Variants in SGPL1 observed in about 807,000 individuals in gnomAD.
SGPL1 encodes SP-lyase 1.
In SGPL1, 37 loss-of-function variants were observed where a neutral mutation model predicts 68.9. The observed-to-expected ratio is 0.54, with a 90% CI of 0.41 to 0.71. The LOEUF (loss-of-function observed/expected upper bound fraction) is 0.71. Among genes scored for constraint, SGPL1 ranks in the 30% least tolerant of loss-of-function variants. SGPL1 has a pLI of 0.00. For missense variants in SGPL1, 551 were observed against 704.6 expected (o/e 0.78, Z 2.47); for synonymous variants, 236 against 248.5 (o/e 0.95, Z 0.47).
intron 14 of SGPL1, 49 bp downstream of exon 14, chr10:70,876,710 G>C (rs200007066): frequency 6.4e-7 from 1 of 1,558,110 alleles, no homozygotes; most frequent in Admixed American, 1.8e-5. Context: ...TTAGGTGTTG[G>C]TGGAGAGTTT....
chr10:70,827,236 G>A (rs1485776996), intron 2 of SGPL1, among the ~76,000 whole-genome samples: 1 of 152,188 alleles, frequency 6.6e-6, no homozygotes, highest in African/African-American at 2.4e-5. Context: ...AAATGTAATT[G>A]TAATTTCCGT....
intron 2 of SGPL1, among the ~76,000 whole-genome samples, chr10:70,830,297 C>A (rs116917977): frequency 1.3e-5 from 2 of 152,148 alleles, no homozygotes; most frequent in African/African-American, 2.4e-5. Context: ...CCAAAGAAAC[C>A]CAGTACTCAG....
In SGPL1 at chr10:70,875,653, C is replaced by T. The variant is rs1028521556; in HGVS notation, c.1445+105C>T. 1.8e-4 allele frequency: 147 copies of T among 799,290 alleles called. No individual in the cohort carries two copies. In the African/African-American group the frequency reaches 2.3e-3, roughly 12 times the overall value. 49.5% of individuals were successfully genotyped at this position (799,290 alleles called of 1,614,324 possible). ...AGAGTTTGACTGCTAGAGGCTAGCACGTTAGTAGCAACTGTAGTATATAAA... is the reference window on the plus strand; with the variant it reads ...AGAGTTTGACTGCTAGAGGCTAGCATGTTAGTAGCAACTGTAGTATATAAA... On this transcript the variant is annotated intron_variant, in intron 13 of 14. Transcript: ENST00000373202.
intron 2 of SGPL1, among the ~76,000 whole-genome samples, chr10:70,827,678 C>CT (rs534225258): frequency 4.6e-5 from 7 of 150,938 alleles, no homozygotes; most frequent in African/African-American, 1.2e-4. Flanking sequence ...AATCATAGGG[C>CT]TTTTTTTTTG....
intron 2 of SGPL1, among the ~76,000 whole-genome samples, chr10:70,830,397 T>C (rs1845512979): frequency 6.6e-6 from 1 of 152,222 alleles, no homozygotes; most frequent in Admixed American, 6.5e-5. Context: ...TTCATATAAA[T>C]ACAATCATAC....
intron 7 of SGPL1, among the ~76,000 whole-genome samples, chr10:70,859,811 A>C (rs988356966): frequency 1.3e-5 from 2 of 152,092 alleles, no homozygotes; most frequent in Non-Finnish European, 2.9e-5. Flanking sequence ...TTGAACCTAC[A>C]TTGAGTTGCT....
intron 2 of SGPL1, among the ~76,000 whole-genome samples, chr10:70,838,317 C>T (rs1353388908): frequency 3.3e-5 from 5 of 152,228 alleles, no homozygotes; most frequent in Admixed American, 1.3e-4. Flanking sequence ...TATTTGGTCA[C>T]GAGCAGTACC....
intron 10 of SGPL1, 127 bp from the exon 11 acceptor site, chr10:70,871,710 T>TA: frequency 1.2e-6 from 1 of 812,916 alleles, no homozygotes. Context: ...AGCCATTTTT[T>TA]AAAAACATGG....
At chr10:70,853,099 C>A (rs1845913299) in intron 4 of SGPL1, among the ~76,000 whole-genome samples, 1 of 152,144 alleles carries the variant, frequency 6.6e-6, no homozygotes, top group Non-Finnish European at 1.5e-5. Context: ...ATAGCCTGTT[C>A]TGTTGCATGA....
Position 70,859,418 on chromosome 10 carries a change from C to T in SGPL1, c.534C>T (p.Phe178=), listed in dbSNP as rs764876883. 1.7e-5 allele frequency: 26 copies of T among 1,562,266 alleles called. No homozygotes were observed. The South Asian group carries it at 3.0e-4, about 18-fold the overall frequency. Residue 178 remains phenylalanine (F), a synonymous_variant, in exon 7 of 15, where the codon TTC becomes TTT. Coordinates refer to ENST00000373202, the MANE Select transcript of SGPL1 (RefSeq NM_003901.4). ...GTAACCCCCTGCATCCAGATATCTT[C>T]CCAGGACTACGCAAGATAGAGGCAG... ...AWSNPLHPDI[F]PGLRKIEAEI... is the part of the protein sequence containing the mutation.
chr10:70,871,704 A>AT (rs1427903630), intron 10 of SGPL1, 133 bp from the exon 11 acceptor site: 6 of 774,232 alleles, frequency 7.7e-6, no homozygotes, highest in East Asian at 2.6e-5. Context: ...AAAAATAGCC[A>AT]TTTTTTAAAA....
At chr10:70,841,962 T>C (rs1191003167) in intron 2 of SGPL1, among the ~76,000 whole-genome samples, 4 of 152,124 alleles carry the variant, frequency 2.6e-5, no homozygotes, top group African/African-American at 9.7e-5. Context: ...TTGAATGATC[T>C]ATACCCACAC....
intron 13 of SGPL1, 115 bp from the exon 14 acceptor site, chr10:70,876,426 C>G (rs1846387045): frequency 3.1e-6 from 3 of 952,856 alleles, no homozygotes; most frequent in Non-Finnish European, 3.1e-6. Flanking sequence ...GATGACTACA[C>G]TTGTCAGAAA....
chr10:70,836,607 G>A (rs1845631381), intron 2 of SGPL1, among the ~76,000 whole-genome samples: 2 of 151,232 alleles, frequency 1.3e-5, no homozygotes, highest in Admixed American at 6.6e-5. Context: ...GTCTCACTCT[G>A]CCGCCCAAGT....
At chr10:70,848,454 CTTTTTTTTTTTTT>C (rs55860254) in intron 3 of SGPL1, among the ~76,000 whole-genome samples, 18 of 70,670 alleles carry the variant, frequency 2.5e-4, no homozygotes, top group East Asian at 9.9e-4. Context: ...ACCTCACGTA[CTTTTTTTTTTTTT>C]TTTTTTTTTT....
chr10:70,874,244 A>T (rs1431013005), intron 12 of SGPL1, among the ~76,000 whole-genome samples: 1 of 152,174 alleles, frequency 6.6e-6, no homozygotes. Flanking sequence ...CTCTTTAAGT[A>T]TATTGAGGGG....
chr10:70,877,123 C>G, intron 14 of SGPL1, 72 bp from the exon 15 acceptor site: 2 of 1,471,644 alleles, frequency 1.4e-6, no homozygotes, highest in Non-Finnish European at 1.9e-6. Context: ...GGAGAAGGGG[C>G]TCATTGCTGC....
intron 7 of SGPL1, chr10:70,866,261 C>G (rs1417177972): frequency 6.6e-6 from 1 of 151,926 alleles, no homozygotes; most frequent in Non-Finnish European, 1.5e-5. Context: ...GTGGGGTGTG[C>G]CTGTAGTCCC....
chr10:70,873,918 G>A (rs1387153677), intron 12 of SGPL1, among the ~76,000 whole-genome samples: 1 of 152,200 alleles, frequency 6.6e-6, no homozygotes, highest in Non-Finnish European at 1.5e-5. Flanking sequence ...CCAAACTTGA[G>A]CATGCATTCT....
Sources: allele counts gnomAD v4.1 joint callset (sites outside exome capture counted in the v4.1 genomes callset), GRCh38; gene constraint gnomAD v4.1.1; transcripts MANE v1.5; gene names NCBI Gene and HGNC (gene_info 2026-07-23, HGNC 2026-07-21).